The following TMEM123 variants were observed in gnomAD, a reference collection of about 807,000 sequenced individuals.
The protein encoded by TMEM123 is transmembrane protein 123, also known as porimin.
In TMEM123, 16 loss-of-function variants were observed where a neutral mutation model predicts 19.7. That is an observed-to-expected ratio of 0.81 (90% CI 0.55 to 1.23). The LOEUF is 1.23. Ranked by LOEUF, TMEM123 falls within the 50% of genes most tolerant of loss-of-function variation. The probability of loss-of-function intolerance (pLI) is 0.00; values close to 1 mark genes in which losing one functional copy is unlikely to be tolerated. For synonymous variants in TMEM123, 118 were observed against 99.4 expected (o/e 1.19, Z -1.12); for missense variants, 313 against 257.8 (o/e 1.21, Z -1.47).
intron 2 of TMEM123, among the ~76,000 whole-genome samples, chr11:102,431,622 G>T (rs1421144030): frequency 6.6e-6 from 1 of 152,116 alleles, no homozygotes; most frequent in Non-Finnish European, 1.5e-5. Flanking sequence ...GACAGAATTT[G>T]CACATTTGCT....
intron 2 of TMEM123, among the ~76,000 whole-genome samples, chr11:102,437,287 CT>C (rs1857772935): frequency 6.6e-6 from 1 of 152,052 alleles, no homozygotes; most frequent in Non-Finnish European, 1.5e-5. Flanking sequence ...AGCCCCATCT[CT>C]TTAACCCTTA....
chr11:102,406,134 G>A (rs1951953945), intron 2 of TMEM123, among the ~76,000 whole-genome samples: 1 of 152,050 alleles, frequency 6.6e-6, no homozygotes, highest in Admixed American at 6.5e-5. Flanking sequence ...CCATCCCTGT[G>A]GGACTTGCAA....
intron 1 of TMEM123, 44 bp from the exon 2 acceptor site, chr11:102,448,912 TAAG>T (rs747264907): frequency 2.5e-6 from 4 of 1,585,386 alleles, no homozygotes; most frequent in Non-Finnish European, 3.5e-6. Flanking sequence ...AACATTTAAC[TAAG>T]AATACTGGCA....
chr11:102,400,983 TGTAGA>T (rs1565346212), intron 4 of TMEM123, among the ~76,000 whole-genome samples: 1 of 152,220 alleles, frequency 6.6e-6, no homozygotes, highest in Non-Finnish European at 1.5e-5. Context: ...TAGAGCTACA[TGTAGA>T]GTAAACATGG....
chr11:102,446,412 C>T (rs1857883851), intron 2 of TMEM123, among the ~76,000 whole-genome samples: 1 of 152,154 alleles, frequency 6.6e-6, no homozygotes, highest in Non-Finnish European at 1.5e-5. Context: ...CTCAGTGGTA[C>T]ATTGGAAAGC....
At chr11:102,409,862 CACAAACAA>C (rs539163884) in intron 2 of TMEM123, among the ~76,000 whole-genome samples, 1 of 147,804 alleles carries the variant, frequency 6.8e-6, no homozygotes, top group South Asian at 2.1e-4. Flanking sequence ...AAGACTCCGT[CACAAACAA>C]ACAAACAAAC....
chr11:102,450,113 C>A (rs1857923263), intron 1 of TMEM123, among the ~76,000 whole-genome samples: 1 of 152,186 alleles, frequency 6.6e-6, no homozygotes, highest in South Asian at 2.1e-4. Context: ...GTCCCAACCC[C>A]CCATAGATCT....
rs545396090 is a variant in TMEM123, at chr11:102,447,456, C to T, written c.157+1356G>A. On this transcript the variant is annotated intron_variant, in intron 2 of 4. Coordinates refer to ENST00000398136, the MANE Select transcript of TMEM123 (RefSeq NM_052932.3). ...TGTAAACCAGAAATGACACCTACCTCACCACTGTTAAATTAGTAAATGTAT... is the reference window on the plus strand; with the variant it reads ...TGTAAACCAGAAATGACACCTACCTTACCACTGTTAAATTAGTAAATGTAT... Among the ~76,000 whole-genome samples, 58 of 152,326 alleles carry T rather than the reference C, an allele frequency of 3.8e-4. 1 individual carries two copies. In the South Asian group the frequency reaches 0.01, roughly 27 times the overall value.
Position 102,444,028 on chromosome 11 carries a change from T to C in TMEM123, c.157+4784A>G, listed in dbSNP as rs1857855793. ...CTCACAGCAGTTACAATGGCAATCA[T>C]TTAAAAAGTCAGGAAACAACAGATG... On this transcript the variant is annotated intron_variant, in intron 2 of 4. Transcript: ENST00000398136. Among the ~76,000 whole-genome samples the C allele has an allele frequency of 2.0e-5, 3 of 152,104 alleles. No individual in the cohort carries two copies. In the South Asian group the frequency reaches 6.2e-4, roughly 32 times the overall value.
At chr11:102,433,649 G>T (rs1857734617) in intron 2 of TMEM123, among the ~76,000 whole-genome samples, 1 of 151,808 alleles carries the variant, frequency 6.6e-6, no homozygotes, top group Non-Finnish European at 1.5e-5. Context: ...AGATTTGGGA[G>T]GGGCCAGTGG....
Position 102,402,037 on chromosome 11 carries a change from A to G in TMEM123, c.327T>C (p.Ser109=), listed in dbSNP as rs1282740828. 6.2e-7 allele frequency: 1 copy of G among 1,613,850 alleles called. No homozygotes were observed. The highest frequency in any genetic ancestry group is 8.5e-7 in the Non-Finnish European group (1 of 1,179,982). The stretch of plus-strand genomic sequence containing the variant: ...TTTTGGGTGTAGACTTTAAGGTGGT[A>G]GAAGTCATATTTGTTGAGACCATCC... ...TPGMVSTNMT[S]TTLKSTPKTT... is the part of the protein sequence containing the mutation. Residue 109 remains serine (S), a synonymous_variant, in exon 3 of 5, where the codon TCT becomes TCC. Coordinates refer to ENST00000398136, the MANE Select transcript of TMEM123 (RefSeq NM_052932.3).
intron 2 of TMEM123, among the ~76,000 whole-genome samples, chr11:102,438,639 T>C (rs1025516518): frequency 2.0e-5 from 3 of 152,212 alleles, no homozygotes; most frequent in South Asian, 2.1e-4. Context: ...GATGGCCGAA[T>C]AGGAACAGCT....
intron 2 of TMEM123, among the ~76,000 whole-genome samples, chr11:102,419,192 G>C (rs1358832343): frequency 6.6e-6 from 1 of 152,150 alleles, no homozygotes; most frequent in African/African-American, 2.4e-5. Context: ...ATGCATTCAA[G>C]TTTATGGCTT....
intron 2 of TMEM123, among the ~76,000 whole-genome samples, chr11:102,441,320 G>C (rs1857823720): frequency 6.6e-6 from 1 of 152,156 alleles, no homozygotes; most frequent in Admixed American, 6.5e-5. Context: ...AAATGTAAAA[G>C]AACAGAAATT....
chr11:102,404,735 G>A lies in TMEM123; in HGVS notation c.158-2529C>T, dbSNP rs570827834. Among the ~76,000 whole-genome samples, 6 of 151,976 alleles carry A rather than the reference G, an allele frequency of 3.9e-5. No individual in the cohort carries two copies. In the South Asian group the frequency reaches 1.0e-3, roughly 26 times the overall value. ...CTGCCTCAGCCTCCTTAGTAGCTGG[G>A]ATTACAGGCATGCACCACCAAGCCC... On this transcript the variant is annotated intron_variant, in intron 2 of 4. Coordinates refer to ENST00000398136, the MANE Select transcript of TMEM123 (RefSeq NM_052932.3).
In TMEM123 at chr11:102,401,637, G is replaced by C; in HGVS notation, c.504C>G (p.Ser168Arg). ...GCGTTAATACAATACCACCAACAAAGCTCCCAGTATCAAATTTTGATCCTT... is the reference window on the plus strand; with the variant it reads ...GCGTTAATACAATACCACCAACAAACCTCCCAGTATCAAATTTTGATCCTT... ...AKKGSKFDTG[S>R]FVGGIVLTLG... The change falls in exon 4 of 5, where the codon AGC (serine) becomes AGG (arginine). Residue 168 changes from serine to arginine, a missense_variant. By Grantham distance (110) the Ser-to-Arg change is moderately radical. Transcript: ENST00000398136. 6.2e-7 allele frequency: 1 copy of C among 1,607,828 alleles called. No individual in the cohort carries two copies. Among genetic ancestry groups the C allele is most frequent in the Non-Finnish European group, 8.5e-7 (1 of 1,178,538 alleles).
intron 1 of TMEM123, among the ~76,000 whole-genome samples, chr11:102,449,920 T>G (rs1857921604): frequency 6.6e-6 from 1 of 152,182 alleles, no homozygotes; most frequent in African/African-American, 2.4e-5. Flanking sequence ...ACCAGATAGT[T>G]TGATTCCTAA....
intron 2 of TMEM123, among the ~76,000 whole-genome samples, chr11:102,426,358 CACA>C (rs992360572): frequency 3.3e-5 from 5 of 152,192 alleles, no homozygotes; most frequent in African/African-American, 9.7e-5. Context: ...ATTTAATCCT[CACA>C]ACAACTTTAG....
At position 102,397,994 on chromosome 11, in the gene TMEM123, A is replaced by AAAT. The variant is rs1344705975; in HGVS notation, c.*870_*872dup. On this transcript the variant is annotated 3_prime_UTR_variant, in exon 5 of 5. Transcript: ENST00000398136. The stretch of plus-strand genomic sequence containing the variant: ...GTTCTTAAAATATTCACAAAATATA[A>AAAT]AATTAAAATTAAATGAACTAAAGTA... The AAAT allele has an allele frequency of 6.6e-6, 1 of 152,218 alleles. No homozygotes were observed. Among genetic ancestry groups the AAAT allele is most frequent in the Non-Finnish European group, 1.5e-5 (1 of 68,024 alleles). 9.4% of individuals were successfully genotyped at this position (152,218 alleles called of 1,614,324 possible).
Sources: allele counts gnomAD v4.1 joint callset (sites outside exome capture counted in the v4.1 genomes callset), GRCh38; gene constraint gnomAD v4.1.1; transcripts MANE v1.5; gene names NCBI Gene and HGNC (gene_info 2026-07-23, HGNC 2026-07-21).